The following SENP5 variants were observed in gnomAD, a reference collection of about 807,000 sequenced individuals.
The protein encoded by SENP5 is sentrin-specific protease 5.
In SENP5, 21 loss-of-function variants were observed where a neutral mutation model predicts 74.2. The observed-to-expected ratio is 0.28, with a 90% confidence interval of 0.20 to 0.41. The LOEUF is 0.41. Among genes scored for constraint, SENP5 ranks in the 10% least tolerant of loss-of-function variants. The pLI is 1.00. For missense variants in SENP5, 717 were observed against 889.1 expected, an observed-to-expected ratio of 0.81 and a Z score of 2.46; for synonymous variants, 311 against 312.7, an observed-to-expected ratio of 0.99 and a Z score of 0.06.
At chr3:196,870,523 CT>C (rs918562525) in intron 1 of SENP5, among the ~76,000 whole-genome samples, 1 of 151,112 alleles carries the variant, frequency 6.6e-6, no homozygotes, top group Non-Finnish European at 1.5e-5. Flanking sequence ...TGTTGATTTT[CT>C]TTTTTTTTCT....
At chr3:196,915,262 G>A (rs2108853753) in intron 6 of SENP5, among the ~76,000 whole-genome samples, 1 of 152,340 alleles carries the variant, frequency 6.6e-6, no homozygotes. Context: ...TGGTAGTGAA[G>A]GGATTGCCAC....
At chr3:196,930,597 T>C (rs1715999054) in intron 9 of SENP5, among the ~76,000 whole-genome samples, 1 of 152,080 alleles carries the variant, frequency 6.6e-6, no homozygotes. Context: ...TCACCCCTTA[T>C]GAGAATCTAA....
chr3:196,892,703 C>G (rs896390772), intron 2 of SENP5, among the ~76,000 whole-genome samples: 1 of 152,164 alleles, frequency 6.6e-6, no homozygotes, highest in Non-Finnish European at 1.5e-5. Context: ...CCTTGACCAA[C>G]ATCTTCCAAT....
At chr3:196,894,485 T>C (rs1374364849) in intron 2 of SENP5, among the ~76,000 whole-genome samples, 1 of 152,066 alleles carries the variant, frequency 6.6e-6, no homozygotes, top group Non-Finnish European at 1.5e-5. Context: ...ACCTCATTCT[T>C]TACACCAAAA....
chr3:196,873,622 C>T (rs1279332659), intron 1 of SENP5, among the ~76,000 whole-genome samples: 1 of 151,350 alleles, frequency 6.6e-6, no homozygotes, highest in South Asian at 2.1e-4. Context: ...GGGTGGATTG[C>T]GAGGTCAGGA....
chr3:196,929,857 A>T (rs777493034), intron 9 of SENP5, among the ~76,000 whole-genome samples, 174 bp downstream of exon 9: 7 of 152,190 alleles, frequency 4.6e-5, no homozygotes, highest in Non-Finnish European at 7.3e-5. Context: ...AGATGTTATC[A>T]TTAGGAAGAA....
chr3:196,885,914 A>T lies in SENP5; in HGVS notation c.733A>T (p.Ile245Phe). 6.2e-7 allele frequency: 1 copy of T among 1,613,980 alleles called. No homozygotes were observed. Among genetic ancestry groups the T allele is most frequent in the Non-Finnish European group, 8.5e-7 (1 of 1,180,020 alleles). ...ATCCATGATTAGATTTCGGTACAGG[A>T]TTCTCAGATCCCAGCACTTCAGAAC... ...KLSMIRFRYRILRSQHFRTKS... is the reference protein window; with the variant it reads ...KLSMIRFRYRFLRSQHFRTKS... Residue 245 changes from isoleucine (I) to phenylalanine (F), a missense_variant, in exon 2 of 10, where the codon ATT becomes TTT. Physicochemically the swap from Ile to Phe is conservative, Grantham distance 21. Transcript: ENST00000323460.
intron 6 of SENP5, among the ~76,000 whole-genome samples, chr3:196,918,325 A>G (rs1396698931): frequency 6.6e-6 from 1 of 151,040 alleles, no homozygotes; most frequent in African/African-American, 2.4e-5. Flanking sequence ...AAAAGTAGAA[A>G]CAACAAAAAG....
In SENP5 at chr3:196,886,171, A is replaced by G; in HGVS notation, c.990A>G (p.Gly330=). The G allele has an allele frequency of 6.2e-7, 1 of 1,614,194 alleles. No homozygotes were observed. The change falls in exon 2 of 10, where the codon GGA becomes GGG. Residue 330 remains glycine, a synonymous_variant. Transcript: ENST00000323460. ...ATGTGCCTGATTGCCACACTAAAGG[A>G]AGCTCTTTCTTGGGCAAGGAGCTTA... The part of the protein sequence containing the change: ...NSHVPDCHTK[G]SSFLGKELSL...
chr3:196,880,884 GC>G (rs1396053235), intron 1 of SENP5, among the ~76,000 whole-genome samples: 18 of 151,898 alleles, frequency 1.2e-4, no homozygotes, highest in Admixed American at 1.2e-3. Flanking sequence ...CAGGTGATCT[GC>G]CCACCTCGGC....
Position 196,885,574 on chromosome 3 carries a change from C to T in SENP5, c.393C>T (p.Cys131=). 1.1e-5 allele frequency: 17 copies of T among 1,614,154 alleles called. No homozygotes were observed. Among genetic ancestry groups the T allele is most frequent in the Non-Finnish European group, 1.4e-5 (17 of 1,180,052 alleles). The change falls in exon 2 of 10, where the codon TGC becomes TGT. Residue 131 remains cysteine (C), a synonymous_variant. Coordinates refer to ENST00000323460, the MANE Select transcript of SENP5 (RefSeq NM_152699.5). ...CAAAGAATTCTGACCATGAATACTGCAGAGAGAAAAATCTCTTGAAGGCAG... is the reference window on the plus strand; with the variant it reads ...CAAAGAATTCTGACCATGAATACTGTAGAGAGAAAAATCTCTTGAAGGCAG... The part of the protein sequence containing the change: ...SSAKNSDHEY[C]REKNLLKAVT...
In SENP5 at chr3:196,885,375, A is replaced by C; in HGVS notation, c.194A>C (p.Gln65Pro). The C allele has an allele frequency of 1.2e-6, 2 of 1,614,208 alleles. No homozygotes were observed. Among genetic ancestry groups the C allele is most frequent in the Non-Finnish European group, 1.7e-6 (2 of 1,180,040 alleles). ...TTCCAGGGTAGAAAGAAAGCTCTTC[A>C]AATCCAGAAAACGTGGATCAAGGAT... Reference protein sequence around the residue: ...RHFQGRKKALQIQKTWIKDEP... With the variant: ...RHFQGRKKALPIQKTWIKDEP... Residue 65 changes from glutamine to proline, a missense_variant, in exon 2 of 10, where the codon CAA (glutamine) becomes CCA (proline). By Grantham distance (76) the Gln-to-Pro change is moderately conservative. Coordinates refer to ENST00000323460, the MANE Select transcript of SENP5 (RefSeq NM_152699.5).
intron 9 of SENP5, 123 bp downstream of exon 9, chr3:196,929,806 C>T: frequency 1.4e-6 from 1 of 700,550 alleles, no homozygotes; most frequent in Non-Finnish European, 2.5e-6. Context: ...GAGTACTTTC[C>T]CTCCCCTTTA....
chr3:196,885,482 G>A lies in SENP5; in HGVS notation c.301G>A (p.Ala101Thr), dbSNP rs552471366. The A allele has an allele frequency of 1.2e-6, 2 of 1,614,102 alleles. No individual in the cohort carries two copies. Among genetic ancestry groups the A allele is most frequent in the South Asian group, 1.1e-5 (1 of 91,082 alleles). ...TLSSKVKRKD[A>T]KHFISSSKTL... ...GTCCTCTAAAGTGAAAAGAAAGGACGCTAAACACTTCATTTCCTCCTCAAA... is the reference window on the plus strand; with the variant it reads ...GTCCTCTAAAGTGAAAAGAAAGGACACTAAACACTTCATTTCCTCCTCAAA... The change falls in exon 2 of 10, where the codon GCT (alanine) becomes ACT (threonine). Residue 101 changes from alanine (A) to threonine (T), a missense_variant. Ala to Thr is a moderately conservative substitution (Grantham distance 58, BLOSUM62 0). This residue lies in a region of SENP5 where 567 missense variants were observed against 577.4 expected (regional missense o/e 0.98). Transcript: ENST00000323460.
At chr3:196,906,139 G>C (rs1387108297) in intron 6 of SENP5, among the ~76,000 whole-genome samples, 1 of 152,062 alleles carries the variant, frequency 6.6e-6, no homozygotes, top group African/African-American at 2.4e-5. Context: ...AGAATCGTTT[G>C]AACCCAGGAG....
chr3:196,927,288 CTT>C (rs1001291294), intron 7 of SENP5, among the ~76,000 whole-genome samples: 40 of 152,272 alleles, frequency 2.6e-4, no homozygotes, highest in African/African-American at 9.4e-4. Flanking sequence ...ATGATGAAGA[CTT>C]TCTTTTTGAC....
intron 2 of SENP5, 78 bp from the exon 3 acceptor site, chr3:196,899,588 G>A (rs1714610182): frequency 1.2e-6 from 1 of 829,412 alleles, no homozygotes; most frequent in Non-Finnish European, 2.1e-6. Context: ...GCTGTGTATA[G>A]GTTAAGTGTT....
intron 1 of SENP5, 29 bp from the exon 2 acceptor site, chr3:196,885,122 G>C: frequency 7.5e-7 from 1 of 1,337,028 alleles, no homozygotes; most frequent in Non-Finnish European, 1.0e-6. Context: ...TTTTTAGATA[G>C]AAATATAACT....
intron 8 of SENP5, among the ~76,000 whole-genome samples, chr3:196,929,019 A>C (rs1715920815): frequency 6.6e-6 from 1 of 152,182 alleles, no homozygotes; most frequent in Non-Finnish European, 1.5e-5. Flanking sequence ...GTGAGACCTC[A>C]TCTCTACAAA....
Sources: allele counts gnomAD v4.1 joint callset (sites outside exome capture counted in the v4.1 genomes callset), GRCh38; gene constraint gnomAD v4.1.1; regional missense constraint gnomAD v4.1.1; transcripts MANE v1.5; gene names NCBI Gene and HGNC (gene_info 2026-07-23, HGNC 2026-07-21).